SLC5A4: variants seen among roughly 807,000 people sequenced by gnomAD.
SLC5A4 encodes probable glucose sensor protein SLC5A4.
A neutral mutation model predicts 70.3 loss-of-function variants in SLC5A4; 55 were observed. The observed-to-expected ratio is 0.78, with a 90% CI of 0.63 to 0.98. The LOEUF is 0.98. SLC5A4 is among the 50% of genes least tolerant of loss of function. The probability of loss-of-function intolerance (pLI) is 0.00; values close to 1 mark genes in which losing one functional copy is unlikely to be tolerated. For missense variants in SLC5A4, 735 were observed against 839.2 expected (o/e 0.88, Z 1.53); for synonymous variants, 268 against 305.7 (o/e 0.88, Z 1.29).
intron 5 of SLC5A4, among the ~76,000 whole-genome samples, chr22:32,245,589 C>T (rs574231397): frequency 3.3e-5 from 5 of 152,356 alleles, no homozygotes; most frequent in South Asian, 2.1e-4. Context: ...CGCGCGATCT[C>T]GGTTCACTGC....
At chr22:32,308,347 G>A in the SLC5A4 span, among the ~76,000 whole-genome samples, 1 of 152,218 alleles carries the variant, frequency 6.6e-6, no homozygotes, top group African/African-American at 2.4e-5. Flanking sequence ...CACGGTGATT[G>A]CGAAGGCAGC....
chr22:32,228,457 G>T (rs992641896), intron 11 of SLC5A4, among the ~76,000 whole-genome samples: 1 of 151,746 alleles, frequency 6.6e-6, no homozygotes, highest in East Asian at 1.9e-4. Flanking sequence ...CAGGAGAATC[G>T]CTTGAACCCG....
the SLC5A4 span, chr22:32,271,780 C>A: frequency 1.7e-6 from 1 of 594,040 alleles, no homozygotes; most frequent in Non-Finnish European, 3.2e-6. Flanking sequence ...ACAGACAGGG[C>A]AAACTGAGGA....
intron 2 of SLC5A4, 102 bp downstream of exon 2, chr22:32,254,040 C>T: frequency 1.1e-6 from 1 of 929,832 alleles, no homozygotes; most frequent in Non-Finnish European, 1.8e-6. Context: ...CTTGGCCTCC[C>T]AAAGTGCTGG....
At chr22:32,346,878 T>G in the SLC5A4 span, among the ~76,000 whole-genome samples, 1 of 149,568 alleles carries the variant, frequency 6.7e-6, no homozygotes, top group African/African-American at 2.5e-5. Context: ...CTAAAGAGCT[T>G]CTGCACAGCA....
the SLC5A4 span, among the ~76,000 whole-genome samples, chr22:32,306,445 G>A: frequency 0.056 from 8,051 of 144,080 alleles, 379 homozygotes; most frequent in Admixed American, 0.16. Flanking sequence ...CAGCCTGGGC[G>A]ACAGAGCAAG....
At chr22:32,326,518 G>A in the SLC5A4 span, among the ~76,000 whole-genome samples, 2 of 152,072 alleles carry the variant, frequency 1.3e-5, no homozygotes, top group Non-Finnish European at 2.9e-5. Flanking sequence ...GCCTCTCAAA[G>A]TGCTGGGATT....
At position 32,235,162 on chromosome 22, in the gene SLC5A4, A is replaced by G. The variant is rs140397946; in HGVS notation, c.665-69T>C. On this transcript the variant is annotated intron_variant, in intron 7 of 14. Transcript: ENST00000266086. ...AAGACATCCAATGTTTATGATGACT[A>G]CTTTTTGGTGGAGGTAAACAAGCAC... 1,149 of 1,172,898 alleles carry G rather than the reference A, an allele frequency of 9.8e-4. 27 individuals are homozygous for G. In the African/African-American group the frequency reaches 0.015, roughly 16 times the overall value. The allele number at this position is 1,172,898 out of a possible 1,614,324, so 72.7% of individuals were successfully genotyped here.
At chr22:32,318,405 C>T in the SLC5A4 span, among the ~76,000 whole-genome samples, 689 of 152,162 alleles carry the variant, frequency 4.5e-3, 7 homozygotes, top group South Asian at 0.019. Context: ...ATATCCCAAA[C>T]GAAAATCCCA....
chr22:32,292,062 C>T, the SLC5A4 span, among the ~76,000 whole-genome samples: 19 of 133,558 alleles, frequency 1.4e-4, no homozygotes, highest in African/African-American at 4.0e-4. Flanking sequence ...TTAGTAGAGA[C>T]GGGGTTTTAG....
the SLC5A4 span, among the ~76,000 whole-genome samples, chr22:32,328,804 G>A: frequency 2.3e-4 from 35 of 152,336 alleles, no homozygotes; most frequent in South Asian, 6.2e-4. Flanking sequence ...AGGCCTCAGG[G>A]CAGTGCTAGA....
chr22:32,312,320 A>AAACC, the SLC5A4 span, among the ~76,000 whole-genome samples: 1 of 151,512 alleles, frequency 6.6e-6, no homozygotes, highest in South Asian at 2.1e-4. Context: ...GCCCCAATAA[A>AAACC]AACCAACCAA....
chr22:32,273,035 CAAG>C, the SLC5A4 span: 2 of 535,628 alleles, frequency 3.7e-6, no homozygotes, highest in Non-Finnish European at 7.4e-6. Context: ...GCAAGCTGGC[CAAG>C]AAGATCAGCA....
At position 32,232,984 on chromosome 22, in the gene SLC5A4, G is replaced by A. The variant is rs766508822; in HGVS notation, c.936C>T (p.Ala312=). The part of the protein sequence containing the change: ...LCGKDMSHVK[A]ACIMCAYLKL... Reference sequence around the variant, plus strand: ...TCAGGTAAGCACACATAATGCAAGCGGCCTTCACGTGAGACATGTCCTTGC... The same window carrying A: ...TCAGGTAAGCACACATAATGCAAGCAGCCTTCACGTGAGACATGTCCTTGC... The change falls in exon 9 of 15, where the codon GCC becomes GCT. Residue 312 remains alanine, a synonymous_variant. Transcript: ENST00000266086. 4.5e-5 allele frequency: 72 copies of A among 1,613,968 alleles called. No individual in the cohort carries two copies. The highest frequency in any genetic ancestry group is 5.8e-5 in the Non-Finnish European group (69 of 1,180,006).
At chr22:32,223,701 C>T (rs1925217758) in intron 13 of SLC5A4, among the ~76,000 whole-genome samples, 1 of 152,156 alleles carries the variant, frequency 6.6e-6, no homozygotes. Flanking sequence ...TGTCCTATGA[C>T]AATGCTGTAG....
chr22:32,255,706 C>T (rs916176086), upstream of SLC5A4, among the ~76,000 whole-genome samples: 3 of 152,100 alleles, frequency 2.0e-5, no homozygotes, highest in Admixed American at 6.5e-5. Context: ...CAGGAGGGAC[C>T]GAATGCAATG....
the SLC5A4 span, among the ~76,000 whole-genome samples, chr22:32,286,411 T>A: frequency 6.6e-6 from 1 of 152,318 alleles, no homozygotes; most frequent in South Asian, 2.1e-4. Flanking sequence ...AGGCTCTGTG[T>A]TGAGATTGTG....
chr22:32,291,909 GT>G, the SLC5A4 span, among the ~76,000 whole-genome samples: 1 of 133,492 alleles, frequency 7.5e-6, no homozygotes, highest in African/African-American at 2.8e-5. Context: ...GTCTCATTCT[GT>G]CACTCAGGCT....
the SLC5A4 span, among the ~76,000 whole-genome samples, chr22:32,352,160 C>T: frequency 1.3e-5 from 2 of 150,954 alleles, no homozygotes; most frequent in African/African-American, 4.9e-5. Flanking sequence ...AGCAAACTAT[C>T]ACAAGGACAA....
Sources: allele counts gnomAD v4.1 joint callset (sites outside exome capture counted in the v4.1 genomes callset), GRCh38; gene constraint gnomAD v4.1.1; transcripts MANE v1.5; gene names NCBI Gene and HGNC (gene_info 2026-07-23, HGNC 2026-07-21).